The following PSTPIP2 variants were observed in gnomAD, a reference collection of about 807,000 sequenced individuals.
PSTPIP2 encodes the protein proline-serine-threonine phosphatase-interacting protein 2.
A neutral mutation model predicts 63.3 loss-of-function variants in PSTPIP2; 33 were observed. The observed-to-expected ratio is 0.52, with a 90% CI of 0.40 to 0.70. The LOEUF is 0.70. PSTPIP2 is among the 30% of genes least tolerant of loss of function. The pLI is 0.00. For missense variants in PSTPIP2, 312 were observed against 400.7 expected, an observed-to-expected ratio of 0.78 and a Z score of 1.89; for synonymous variants, 125 against 132.7, an observed-to-expected ratio of 0.94 and a Z score of 0.40.
At chr18:46,012,779 G>A (rs1328897083) in intron 4 of PSTPIP2, among the ~76,000 whole-genome samples, 3 of 152,038 alleles carry the variant, frequency 2.0e-5, no homozygotes, top group Non-Finnish European at 2.9e-5. Context: ...CTCAAAAAAA[G>A]AGAGAGAGAG....
At chr18:45,990,420 G>GT (rs1029537277) in intron 13 of PSTPIP2, among the ~76,000 whole-genome samples, 4 of 140,148 alleles carry the variant, frequency 2.9e-5, no homozygotes, top group African/African-American at 9.2e-5. Context: ...GTTTTTTGGG[G>GT]TTTTTTTGTT....
At chr18:46,010,344 G>GC (rs1486280155) in intron 5 of PSTPIP2, among the ~76,000 whole-genome samples, 2 of 152,196 alleles carry the variant, frequency 1.3e-5, no homozygotes, top group East Asian at 3.8e-4. Context: ...CAAAAGTCAC[G>GC]CAGAGCTGTG....
At chr18:45,988,462 T>A (rs192640947) in intron 14 of PSTPIP2, among the ~76,000 whole-genome samples, 1 of 140,844 alleles carries the variant, frequency 7.1e-6, no homozygotes, top group East Asian at 2.2e-4. Flanking sequence ...AAAGAGTTAC[T>A]GTGGAATAAT....
chr18:45,988,938 C>G (rs2276197), intron 13 of PSTPIP2, among the ~76,000 whole-genome samples, 179 bp from the exon 14 acceptor site: 36,634 of 152,118 alleles, frequency 0.24, 6,305 homozygotes, highest in African/African-American at 0.47. Flanking sequence ...AGAGGACATT[C>G]TGGAAATCAC....
chr18:46,068,550 A>G (rs12962792), intron 1 of PSTPIP2, among the ~76,000 whole-genome samples: 94,058 of 151,034 alleles, frequency 0.62, 29,537 homozygotes, highest in African/African-American at 0.7. Flanking sequence ...CACCCGTCTC[A>G]GCCTCCCAAA....
chr18:46,043,341 C>T (rs1386506206), intron 1 of PSTPIP2, among the ~76,000 whole-genome samples: 1 of 149,658 alleles, frequency 6.7e-6, no homozygotes, highest in Non-Finnish European at 1.5e-5. Context: ...CAGTGAGCCA[C>T]GTTCATGCCA....
intron 6 of PSTPIP2, among the ~76,000 whole-genome samples, chr18:46,002,781 C>A (rs927155386): frequency 1.7e-5 from 1 of 60,304 alleles, no homozygotes; most frequent in African/African-American, 4.2e-5. Flanking sequence ...CATTGTGAGA[C>A]CCCCCCATCT....
intron 4 of PSTPIP2, among the ~76,000 whole-genome samples, chr18:46,014,232 G>C (rs2051830704): frequency 6.6e-6 from 1 of 152,052 alleles, no homozygotes; most frequent in Non-Finnish European, 1.5e-5. Flanking sequence ...ATGTTGGCCA[G>C]ACTAGTCTTG....
chr18:45,985,175 T>A lies in PSTPIP2; in HGVS notation c.*284A>T, dbSNP rs1339602878. ...GATGCTCCAAATCCAGAAGTGGATT[T>A]CATGCTTCCCATGTTGAAAACCTAA... On this transcript the variant is annotated 3_prime_UTR_variant, in exon 15 of 15. Coordinates refer to ENST00000409746, the MANE Select transcript of PSTPIP2 (RefSeq NM_024430.4). 3 of 461,180 alleles carry A rather than the reference T, an allele frequency of 6.5e-6. No homozygotes were observed. The highest frequency in any genetic ancestry group is 1.1e-5 in the Non-Finnish European group (3 of 264,380). The allele number at this position is 461,180 out of a possible 1,614,324, so 28.6% of individuals were successfully genotyped here.
intron 3 of PSTPIP2, among the ~76,000 whole-genome samples, chr18:46,023,204 C>T (rs1907438037): frequency 6.6e-6 from 1 of 152,246 alleles, no homozygotes; most frequent in Admixed American, 6.5e-5. Flanking sequence ...ATATGTACAA[C>T]AAATCCCCAT....
chr18:46,005,439 T>G (rs1469804484), intron 6 of PSTPIP2, 30 bp downstream of exon 6: 1 of 1,530,700 alleles, frequency 6.5e-7, no homozygotes, highest in East Asian at 2.3e-5. Flanking sequence ...GTCACCATTA[T>G]CCCAAAAAAG....
intron 13 of PSTPIP2, among the ~76,000 whole-genome samples, chr18:45,990,406 G>T (rs1001943639): frequency 6.6e-6 from 1 of 151,290 alleles, no homozygotes; most frequent in Non-Finnish European, 1.5e-5. Context: ...TAAGAATTTC[G>T]TGGGTTTTTT....
chr18:46,028,424 G>A (rs530050333), intron 2 of PSTPIP2: 17 of 545,500 alleles, frequency 3.1e-5, no homozygotes, highest in Middle Eastern at 4.6e-4. Context: ...AGACGGCTCC[G>A]GCAGCGGAAC....
intron 2 of PSTPIP2, among the ~76,000 whole-genome samples, chr18:46,036,725 T>C (rs1341982175): frequency 6.6e-6 from 1 of 152,110 alleles, no homozygotes; most frequent in East Asian, 1.9e-4. Flanking sequence ...GTTTCGGTAA[T>C]GGAGGTAAAA....
At chr18:46,042,024 C>T (rs1484472686) in intron 1 of PSTPIP2, among the ~76,000 whole-genome samples, 1 of 152,086 alleles carries the variant, frequency 6.6e-6, no homozygotes, top group Non-Finnish European at 1.5e-5. Context: ...GACAGCAGTC[C>T]CAGAAAGACC....
chr18:46,058,927 C>T (rs116531367), intron 1 of PSTPIP2, among the ~76,000 whole-genome samples: 112 of 152,264 alleles, frequency 7.4e-4, no homozygotes, highest in African/African-American at 2.6e-3. Context: ...GGTTTGGGTA[C>T]AAGTTGCAGG....
intron 1 of PSTPIP2, among the ~76,000 whole-genome samples, chr18:46,059,436 A>G (rs1908907959): frequency 6.6e-6 from 1 of 152,064 alleles, no homozygotes; most frequent in African/African-American, 2.4e-5. Flanking sequence ...TTTAGTAAAC[A>G]CATGGTTTCA....
chr18:46,021,626 C>T (rs111785666), intron 3 of PSTPIP2, among the ~76,000 whole-genome samples: 18 of 151,408 alleles, frequency 1.2e-4, no homozygotes, highest in African/African-American at 3.9e-4. Context: ...TACGATGATG[C>T]CTCTGTGACA....
intron 2 of PSTPIP2, among the ~76,000 whole-genome samples, chr18:46,039,522 A>G (rs1908109456): frequency 6.6e-6 from 1 of 151,974 alleles, no homozygotes; most frequent in African/African-American, 2.4e-5. Flanking sequence ...CACCACAAGG[A>G]CCTACTCCTC....
Sources: gnomAD v4.1 joint callset for allele counts (sites outside exome capture counted in the v4.1 genomes callset) on GRCh38, gnomAD v4.1.1 for gene constraint, MANE v1.5 for transcripts, NCBI Gene and HGNC (gene_info 2026-07-23, HGNC 2026-07-21) for gene names.